LUZP2: variants seen among roughly 807,000 people sequenced by gnomAD.
LUZP2 encodes the protein leucine zipper protein 2.
LUZP2 carries 52 observed loss-of-function variants against 51.6 expected under a neutral mutation model. That is an observed-to-expected ratio of 1.01 (90% CI 0.81 to 1.27). The LOEUF (loss-of-function observed/expected upper bound fraction) is 1.27. LUZP2 is among the 50% of genes most tolerant of loss of function. The pLI is 0.00. For synonymous variants in LUZP2, 154 were observed against 137.3 expected, an observed-to-expected ratio of 1.12 and a Z score of -0.85; for missense variants, 436 against 395.4, an observed-to-expected ratio of 1.10 and a Z score of -0.87.
At chr11:24,852,842 T>G (rs1329027502) in intron 5 of LUZP2, among the ~76,000 whole-genome samples, 1 of 152,112 alleles carries the variant, frequency 6.6e-6, no homozygotes, top group East Asian at 1.9e-4. Context: ...TTCTTTGTCT[T>G]TTTTGGTCTT....
chr11:24,836,337 ATCCCAAATGGGATTT>A (rs1319942263), intron 5 of LUZP2, among the ~76,000 whole-genome samples: 1 of 151,892 alleles, frequency 6.6e-6, no homozygotes, highest in Non-Finnish European at 1.5e-5. Context: ...AAATTTTTTT[ATCCCAAATGGGATTT>A]AAAGGAATAT....
intron 5 of LUZP2, among the ~76,000 whole-genome samples, chr11:24,793,910 A>C (rs1483374889): frequency 6.8e-6 from 1 of 147,100 alleles, no homozygotes; most frequent in African/African-American, 2.5e-5. Context: ...TATCTTTTAT[A>C]TTCTGACTAA....
At chr11:24,513,033 C>T (rs1323539678) in intron 1 of LUZP2, among the ~76,000 whole-genome samples, 3 of 152,158 alleles carry the variant, frequency 2.0e-5, no homozygotes, top group African/African-American at 7.2e-5. Flanking sequence ...GTTGGGATCA[C>T]AGGCGTGAGC....
chr11:24,659,363 T>C (rs898105972), intron 1 of LUZP2, among the ~76,000 whole-genome samples: 2 of 152,158 alleles, frequency 1.3e-5, no homozygotes, highest in Admixed American at 6.5e-5. Context: ...TAGGTGGGAA[T>C]TGAACAATGA....
chr11:24,917,355 A>G (rs1410992566), intron 7 of LUZP2, among the ~76,000 whole-genome samples: 1 of 152,052 alleles, frequency 6.6e-6, no homozygotes, highest in African/African-American at 2.4e-5. Context: ...CCCATTTGTC[A>G]ATTTTGACTT....
chr11:24,914,550 TTC>T lies in LUZP2; in HGVS notation c.522+18_522+19del, dbSNP rs1853738273. ...ATTTATTATTTAAGGTGAGTCTCTT[TTC>T]TCTCTTTTCCCTGAAACTTGCTAGC... is the stretch of plus-strand genomic sequence containing the variant. On this transcript the variant is annotated intron_variant, in intron 7 of 11. Transcript: ENST00000336930. The T allele has an allele frequency of 3.2e-6, 5 of 1,573,288 alleles. No individual in the cohort carries two copies. The highest frequency in any genetic ancestry group is 1.8e-5 in the Admixed American group (1 of 54,238).
At chr11:24,559,603 A>C (rs1350776039) in intron 1 of LUZP2, among the ~76,000 whole-genome samples, 2 of 152,232 alleles carry the variant, frequency 1.3e-5, no homozygotes, top group Non-Finnish European at 2.9e-5. Context: ...TTTTATGACA[A>C]ACTGCTGTGA....
intron 7 of LUZP2, among the ~76,000 whole-genome samples, chr11:24,922,751 A>G (rs1189382363): frequency 6.9e-6 from 1 of 144,598 alleles, no homozygotes; most frequent in South Asian, 2.5e-4. Context: ...TATCTTATGG[A>G]TTAGAAAACC....
intron 5 of LUZP2, among the ~76,000 whole-genome samples, chr11:24,857,290 C>T (rs200082878): frequency 0.015 from 1,789 of 117,790 alleles, 64 homozygotes; most frequent in East Asian, 0.14. Context: ...TATATATATA[C>T]ATATATATAT....
intron 10 of LUZP2, among the ~76,000 whole-genome samples, chr11:25,064,882 G>T (rs1056864982): frequency 1.3e-5 from 2 of 151,860 alleles, no homozygotes; most frequent in African/African-American, 4.8e-5. Context: ...TTGTGACTTC[G>T]CGAATTTCTA....
At chr11:24,559,949 A>G (rs749376244) in intron 1 of LUZP2, among the ~76,000 whole-genome samples, 1 of 152,152 alleles carries the variant, frequency 6.6e-6, no homozygotes, top group Non-Finnish European at 1.5e-5. Context: ...AGGGAGGTAG[A>G]TAAATCACAC....
chr11:24,650,196 C>A (rs902357006), intron 1 of LUZP2, among the ~76,000 whole-genome samples: 3 of 151,866 alleles, frequency 2.0e-5, no homozygotes, highest in Admixed American at 1.3e-4. Context: ...TTAGCCATCC[C>A]AGACAGATTC....
intron 1 of LUZP2, among the ~76,000 whole-genome samples, chr11:24,665,578 G>C (rs759690366): frequency 1.3e-5 from 2 of 152,148 alleles, no homozygotes; most frequent in Non-Finnish European, 2.9e-5. Context: ...TGTCATGGGA[G>C]GGACCTGGTA....
intron 5 of LUZP2, among the ~76,000 whole-genome samples, chr11:24,768,893 T>C (rs1314653388): frequency 6.6e-6 from 1 of 152,184 alleles, no homozygotes; most frequent in Non-Finnish European, 1.5e-5. Flanking sequence ...ATATAACTAC[T>C]TGTTATATAT....
chr11:24,741,938 A>T (rs1859172904), intron 4 of LUZP2, among the ~76,000 whole-genome samples: 1 of 16,626 alleles, frequency 6.0e-5, no homozygotes, highest in Non-Finnish European at 2.0e-4. Flanking sequence ...ATTATATATA[A>T]ATATATACAT....
chr11:24,566,059 A>T (rs186595560), intron 1 of LUZP2, among the ~76,000 whole-genome samples: 11 of 151,976 alleles, frequency 7.2e-5, no homozygotes, highest in African/African-American at 2.6e-4. Flanking sequence ...TAATAAAAAA[A>T]ATTACAAGGC....
rs1304258565 is a variant in LUZP2 at position 25,080,658 on chromosome 11, T to C, written c.*2000T>C. On this transcript the variant is annotated 3_prime_UTR_variant, in exon 12 of 12. Transcript: ENST00000336930. ...CCTGTTCCTTGTAATTCTCCCACTG[T>C]TCTCAGTGGCCCTAACCATCTCTAT... is the stretch of plus-strand genomic sequence containing the variant. 1 of 152,132 alleles carries C rather than the reference T, an allele frequency of 6.6e-6. No individual in the cohort carries two copies. The highest frequency in any genetic ancestry group is 1.5e-5 in the Non-Finnish European group (1 of 68,026). 9.4% of individuals were successfully genotyped at this position (152,132 alleles called of 1,614,324 possible). A position where few individuals can be genotyped will look rare whatever the true frequency, so the allele number is the denominator to read the frequency against.
intron 1 of LUZP2, among the ~76,000 whole-genome samples, chr11:24,678,879 G>A (rs1023761742): frequency 6.6e-6 from 1 of 152,190 alleles, no homozygotes; most frequent in South Asian, 2.1e-4. Context: ...TCCTTGAAAG[G>A]TTATTTTCTG....
At chr11:25,006,948 T>A (rs1179422968) in intron 9 of LUZP2, among the ~76,000 whole-genome samples, 1 of 152,200 alleles carries the variant, frequency 6.6e-6, no homozygotes, top group Non-Finnish European at 1.5e-5. Context: ...ATTCCCTTAT[T>A]TGGCCCAGCC....
Sources: allele counts gnomAD v4.1 joint callset (sites outside exome capture counted in the v4.1 genomes callset), GRCh38; gene constraint gnomAD v4.1.1; transcripts MANE v1.5; gene names NCBI Gene and HGNC (gene_info 2026-07-23, HGNC 2026-07-21).